DYM: variants seen among roughly 807,000 people sequenced by gnomAD.
DYM encodes dymeclin.
A neutral mutation model predicts 93.1 loss-of-function variants in DYM; 78 were observed. That is an observed-to-expected ratio of 0.84 (90% CI 0.70 to 1.01). The LOEUF is 1.01. Ranked by LOEUF, DYM falls within the 50% of genes least tolerant of loss-of-function variation. The pLI is 0.00. For missense variants in DYM, 789 were observed against 845.0 expected, an observed-to-expected ratio of 0.93 and a Z score of 0.82; for synonymous variants, 321 against 319.7, an observed-to-expected ratio of 1.00 and a Z score of -0.04.
intron 13 of DYM, among the ~76,000 whole-genome samples, chr18:49,239,987 T>C (rs950888135): frequency 9.2e-5 from 14 of 152,206 alleles, no homozygotes; most frequent in African/African-American, 2.4e-4. Context: ...CTTTTTAGAA[T>C]AGAGACCATG....
chr18:49,169,962 A>G (rs115778713), intron 14 of DYM, among the ~76,000 whole-genome samples: 2,760 of 152,276 alleles, frequency 0.018, 91 homozygotes, highest in African/African-American at 0.061. Context: ...AGCGGGAAAG[A>G]AGGGAATCAG....
At chr18:49,277,695 G>T (rs1451359894) in intron 10 of DYM, among the ~76,000 whole-genome samples, 1 of 152,180 alleles carries the variant, frequency 6.6e-6, no homozygotes, top group Non-Finnish European at 1.5e-5. Context: ...CAGTAAGCAG[G>T]TCTGCACCAG....
intron 13 of DYM, among the ~76,000 whole-genome samples, chr18:49,221,789 G>A (rs2093368722): frequency 6.6e-6 from 1 of 152,028 alleles, no homozygotes; most frequent in Non-Finnish European, 1.5e-5. Context: ...ATAGCATTAG[G>A]AGATATACCT....
intron 2 of DYM, among the ~76,000 whole-genome samples, chr18:49,399,934 C>CTTTTTTTTTT (rs1201370040): frequency 2.9e-4 from 19 of 66,142 alleles, no homozygotes; most frequent in Non-Finnish European, 3.3e-4. Context: ...TTTTATTTTT[C>CTTTTTTTTTT]TTTTTTTTTT....
intron 13 of DYM, among the ~76,000 whole-genome samples, chr18:49,227,585 A>C (rs1222012964): frequency 6.6e-6 from 1 of 152,146 alleles, no homozygotes; most frequent in Non-Finnish European, 1.5e-5. Context: ...TGTACTCAGA[A>C]GGGTGTGGTG....
intron 14 of DYM, among the ~76,000 whole-genome samples, chr18:49,196,940 T>G (rs2091509008): frequency 6.6e-6 from 1 of 152,058 alleles, no homozygotes; most frequent in African/African-American, 2.4e-5. Context: ...GAAAAAAAAG[T>G]AGAGATTTGA....
rs2070860003 is a variant in DYM, at chr18:49,040,275, G to A, written c.*3780C>T. On this transcript the variant is annotated 3_prime_UTR_variant, in exon 18 of 18. Coordinates refer to ENST00000675505, the MANE Select transcript of DYM (RefSeq NM_001353214.3). ...GGCTGCTTTTCCTCTGGGGGATTTT[G>A]CTAATGCCAGAGGCTGTGTCTGAGT... Among the ~76,000 whole-genome samples the A allele has an allele frequency of 6.6e-6, 1 of 152,190 alleles. No individual in the cohort carries two copies.
intron 14 of DYM, among the ~76,000 whole-genome samples, chr18:49,197,011 G>A (rs2091516759): frequency 6.6e-6 from 1 of 152,194 alleles, no homozygotes; most frequent in African/African-American, 2.4e-5. Flanking sequence ...CAGGTGAGGG[G>A]AAAATGCTGA....
At chr18:49,106,657 A>C (rs2080846636) in intron 16 of DYM, among the ~76,000 whole-genome samples, 1 of 152,120 alleles carries the variant, frequency 6.6e-6, no homozygotes, top group South Asian at 2.1e-4. Flanking sequence ...TTTCTCCTTC[A>C]CTTACGAAGC....
intron 15 of DYM, among the ~76,000 whole-genome samples, chr18:49,138,842 C>A (rs983824885): frequency 6.6e-6 from 1 of 151,908 alleles, no homozygotes; most frequent in Non-Finnish European, 1.5e-5. Context: ...AGGAAGTGTC[C>A]GATTTAAGTC....
chr18:49,163,188 C>T (rs1223241469), intron 15 of DYM, among the ~76,000 whole-genome samples: 1 of 152,128 alleles, frequency 6.6e-6, no homozygotes, highest in Non-Finnish European at 1.5e-5. Flanking sequence ...TCTTCAACCA[C>T]TTGTTAACAA....
At chr18:49,150,362 A>G (rs2085679846) in intron 15 of DYM, among the ~76,000 whole-genome samples, 1 of 152,026 alleles carries the variant, frequency 6.6e-6, no homozygotes, top group African/African-American at 2.4e-5. Context: ...GTTTGGGAGG[A>G]GATTAGGTGA....
chr18:49,128,548 A>C (rs943306692), intron 15 of DYM, among the ~76,000 whole-genome samples: 3 of 152,208 alleles, frequency 2.0e-5, no homozygotes, highest in African/African-American at 7.2e-5. Flanking sequence ...CAGCACTGCC[A>C]ATAATTAGCT....
At chr18:49,339,682 T>C (rs2063945351) in intron 6 of DYM, among the ~76,000 whole-genome samples, 2 of 152,128 alleles carry the variant, frequency 1.3e-5, no homozygotes, top group South Asian at 4.1e-4. Flanking sequence ...TGACTACAAC[T>C]TCATGTGACA....
intron 8 of DYM, among the ~76,000 whole-genome samples, chr18:49,307,160 A>G (rs1167402152): frequency 1.3e-5 from 2 of 152,058 alleles, no homozygotes; most frequent in Admixed American, 1.3e-4. Context: ...TTCATCTACT[A>G]TATGTTATAT....
At chr18:49,161,730 T>C (rs1303971499) in intron 15 of DYM, among the ~76,000 whole-genome samples, 1 of 152,200 alleles carries the variant, frequency 6.6e-6, no homozygotes, top group East Asian at 1.9e-4. Flanking sequence ...TGACAGATTG[T>C]GACATCACAT....
intron 2 of DYM, among the ~76,000 whole-genome samples, chr18:49,400,801 C>A (rs2070726417): frequency 6.6e-6 from 1 of 151,902 alleles, no homozygotes; most frequent in Non-Finnish European, 1.5e-5. Context: ...TTCCTATTTG[C>A]TTGATTTAGA....
At chr18:49,130,928 A>G (rs1310982164) in intron 15 of DYM, among the ~76,000 whole-genome samples, 2 of 152,192 alleles carry the variant, frequency 1.3e-5, no homozygotes, top group Non-Finnish European at 2.9e-5. Flanking sequence ...TCCCAGCTTT[A>G]CCATATGTTA....
At chr18:49,328,985 T>C (rs1442078960) in intron 8 of DYM, among the ~76,000 whole-genome samples, 3 of 151,996 alleles carry the variant, frequency 2.0e-5, no homozygotes, top group Non-Finnish European at 2.9e-5. Flanking sequence ...CACACACACA[T>C]ATGTTTATTG....
Sources: gnomAD v4.1 joint callset for allele counts (sites outside exome capture counted in the v4.1 genomes callset) on GRCh38, gnomAD v4.1.1 for gene constraint, MANE v1.5 for transcripts, NCBI Gene and HGNC (gene_info 2026-07-23, HGNC 2026-07-21) for gene names.